GALNTL6: variants seen among roughly 807,000 people sequenced by gnomAD.
GALNTL6 encodes polypeptide N-acetylgalactosaminyltransferase-like 6.
A neutral mutation model predicts 73.7 loss-of-function variants in GALNTL6; 46 were observed. That is an observed-to-expected ratio of 0.62 (90% confidence interval 0.49 to 0.80). The LOEUF (loss-of-function observed/expected upper bound fraction) is 0.80. Among genes scored for constraint, GALNTL6 ranks in the 30% least tolerant of loss-of-function variants. The pLI, the probability that GALNTL6 is intolerant of heterozygous loss-of-function variation, is 0.00. For synonymous variants in GALNTL6, 259 were observed against 263.7 expected (o/e 0.98, Z 0.17); for missense variants, 604 against 755.0 (o/e 0.80, Z 2.34).
chr4:172,566,172 A>G (rs1007517810), intron 5 of GALNTL6, among the ~76,000 whole-genome samples: 2 of 152,210 alleles, frequency 1.3e-5, no homozygotes, highest in African/African-American at 4.8e-5. Context: ...GCAGCCTTAA[A>G]CAACACTGTA....
intron 7 of GALNTL6, among the ~76,000 whole-genome samples, chr4:172,832,659 G>T (rs144783840): frequency 8.4e-4 from 128 of 152,266 alleles, no homozygotes; most frequent in African/African-American, 3.0e-3. Context: ...TTCACCCCAG[G>T]AGCAGACAGC....
chr4:172,005,816 A>G (rs1740824971), intron 2 of GALNTL6, among the ~76,000 whole-genome samples: 1 of 152,152 alleles, frequency 6.6e-6, no homozygotes, highest in South Asian at 2.1e-4. Flanking sequence ...CATAAATTAT[A>G]TCCCTATTGA....
At chr4:172,544,401 C>T (rs892851397) in intron 5 of GALNTL6, among the ~76,000 whole-genome samples, 2 of 152,178 alleles carry the variant, frequency 1.3e-5, no homozygotes, top group Non-Finnish European at 1.5e-5. Flanking sequence ...TCTCCCAATC[C>T]AAACTTCCTA....
chr4:172,370,031 G>T (rs954589875), intron 5 of GALNTL6, among the ~76,000 whole-genome samples: 9 of 152,172 alleles, frequency 5.9e-5, no homozygotes, highest in African/African-American at 2.2e-4. Context: ...TCTCAATCCT[G>T]CCTCTAAACA....
chr4:172,407,893 T>C (rs1744296320), intron 5 of GALNTL6, among the ~76,000 whole-genome samples: 1 of 152,090 alleles, frequency 6.6e-6, no homozygotes, highest in African/African-American at 2.4e-5. Context: ...AATGTTTTTC[T>C]TCAAGATTAA....
intron 5 of GALNTL6, among the ~76,000 whole-genome samples, chr4:172,514,512 C>G (rs1299674302): frequency 2.0e-5 from 3 of 152,156 alleles, no homozygotes; most frequent in African/African-American, 7.2e-5. Flanking sequence ...GTCTCTCTGC[C>G]GAGAAATCAA....
intron 2 of GALNTL6, among the ~76,000 whole-genome samples, chr4:171,989,997 C>T (rs1740286556): frequency 6.6e-6 from 1 of 152,028 alleles, no homozygotes; most frequent in South Asian, 2.1e-4. Flanking sequence ...GAGGGCTAGT[C>T]ACGGAAGGAA....
chr4:172,103,196 G>A (rs765454409), intron 2 of GALNTL6, among the ~76,000 whole-genome samples: 1 of 152,164 alleles, frequency 6.6e-6, no homozygotes, highest in Non-Finnish European at 1.5e-5. Context: ...AGACCTGCCA[G>A]GTAAATTCTT....
intron 5 of GALNTL6, among the ~76,000 whole-genome samples, chr4:172,414,470 C>T (rs970715279): frequency 2.0e-5 from 3 of 151,958 alleles, no homozygotes; most frequent in South Asian, 2.1e-4. Context: ...GCTAAATATT[C>T]GCTGTAGATT....
chr4:172,752,901 T>G (rs2110788686), intron 5 of GALNTL6, among the ~76,000 whole-genome samples: 2 of 152,322 alleles, frequency 1.3e-5, no homozygotes, highest in South Asian at 4.1e-4. Context: ...AGATATGTCT[T>G]CTTTCAAAAC....
intron 5 of GALNTL6, among the ~76,000 whole-genome samples, chr4:172,454,874 T>G (rs961111250): frequency 2.0e-5 from 3 of 152,232 alleles, no homozygotes; most frequent in Admixed American, 6.5e-5. Flanking sequence ...AGGAAATCCT[T>G]TTCATCATGC....
At chr4:172,985,343 A>G (rs753523513) in intron 10 of GALNTL6, among the ~76,000 whole-genome samples, 1 of 151,780 alleles carries the variant, frequency 6.6e-6, no homozygotes, top group Non-Finnish European at 1.5e-5. Flanking sequence ...TAATAATAAT[A>G]AATTGTTGTC....
In GALNTL6 at chr4:172,252,215, A is replaced by T. The variant is rs906454980; in HGVS notation, c.247+22451A>T. On this transcript the variant is annotated intron_variant, in intron 3 of 12. Coordinates refer to ENST00000506823, the MANE Select transcript of GALNTL6 (RefSeq NM_001034845.3). ...AGCATGACAGGAAATACTGATTTTT[A>T]AAAAGACACAGCTTAGCAGATGCTA... Among the ~76,000 whole-genome samples, 6 of 152,198 alleles carry T rather than the reference A, an allele frequency of 3.9e-5. 1 individual carries two copies. The highest frequency in any genetic ancestry group is 1.2e-4 in the African/African-American group (5 of 41,468).
intron 7 of GALNTL6, among the ~76,000 whole-genome samples, chr4:172,868,337 T>G (rs776046479): frequency 9.9e-5 from 15 of 152,194 alleles, no homozygotes; most frequent in African/African-American, 2.2e-4. Context: ...TTTTTCACAC[T>G]TTATCTTCTC....
chr4:172,487,295 CTTCTGTCTTTCTTTCTTTCTTTCT>C (rs1733710726), intron 5 of GALNTL6, among the ~76,000 whole-genome samples: 4 of 81,518 alleles, frequency 4.9e-5, no homozygotes, highest in East Asian at 3.4e-4. Context: ...TCCTTCTTTC[CTTCTGTCTTTCTTTCTTTCTTTCT>C]TTCTTTCTTT....
intron 5 of GALNTL6, among the ~76,000 whole-genome samples, chr4:172,729,726 T>C (rs1736038076): frequency 6.6e-6 from 1 of 152,216 alleles, no homozygotes; most frequent in African/African-American, 2.4e-5. Flanking sequence ...GGGTCTTTAG[T>C]GGTTCCATAT....
chr4:171,915,520 A>G (rs1737592203), intron 2 of GALNTL6, among the ~76,000 whole-genome samples: 1 of 152,136 alleles, frequency 6.6e-6, no homozygotes, highest in Non-Finnish European at 1.5e-5. Context: ...TTAATTTGTA[A>G]ATAATCATCA....
At chr4:171,963,842 T>G (rs1366475669) in intron 2 of GALNTL6, among the ~76,000 whole-genome samples, 4 of 152,212 alleles carry the variant, frequency 2.6e-5, no homozygotes, top group African/African-American at 7.2e-5. Flanking sequence ...TTTCTTATAT[T>G]TCTGCACATC....
chr4:171,844,874 G>A (rs1320514004), intron 2 of GALNTL6, among the ~76,000 whole-genome samples: 2 of 152,154 alleles, frequency 1.3e-5, no homozygotes, highest in African/African-American at 4.8e-5. Flanking sequence ...CTTGTTTCCA[G>A]CTGATTGAGA....
Sources: gnomAD v4.1 joint callset for allele counts (sites outside exome capture counted in the v4.1 genomes callset) on GRCh38, gnomAD v4.1.1 for gene constraint, MANE v1.5 for transcripts, NCBI Gene and HGNC (gene_info 2026-07-23, HGNC 2026-07-21) for gene names.